GPHN: variants seen among roughly 807,000 people sequenced by gnomAD.
GPHN encodes gephyrin.
Under a neutral mutation model 95.5 loss-of-function variants are expected in GPHN, and 17 were observed. The observed-to-expected ratio is 0.18, with a 90% CI of 0.12 to 0.27. The LOEUF (loss-of-function observed/expected upper bound fraction) is 0.27. GPHN is among the 10% of genes least tolerant of loss of function. The pLI is 1.00. For synonymous variants in GPHN, 320 were observed against 322.5 expected (o/e 0.99, Z 0.08); for missense variants, 660 against 978.1 (o/e 0.67, Z 4.34).
the GPHN span, among the ~76,000 whole-genome samples, chr14:67,365,183 C>G: frequency 6.6e-6 from 1 of 152,100 alleles, no homozygotes; most frequent in Non-Finnish European, 1.5e-5. Flanking sequence ...AGCAAGATCT[C>G]TTAATAGTAG....
At chr14:66,590,413 C>T (rs1235871729) in intron 1 of GPHN, among the ~76,000 whole-genome samples, 1 of 151,774 alleles carries the variant, frequency 6.6e-6, no homozygotes, top group Admixed American at 6.6e-5. Context: ...GAAAGCCAGA[C>T]TAATAAAGAA....
chr14:66,593,584 C>G (rs1405684436), intron 1 of GPHN, among the ~76,000 whole-genome samples: 1 of 152,166 alleles, frequency 6.6e-6, no homozygotes, highest in African/African-American at 2.4e-5. Context: ...CACCAGGTCT[C>G]TTTCTCAACA....
At chr14:66,976,832 C>T (rs1185919672) in intron 9 of GPHN, among the ~76,000 whole-genome samples, 2 of 146,040 alleles carry the variant, frequency 1.4e-5, no homozygotes, top group Non-Finnish European at 3.0e-5. Flanking sequence ...CTCTTCTAAT[C>T]CAGTAGGAAA....
chr14:66,593,527 C>G (rs1207433819), intron 1 of GPHN, among the ~76,000 whole-genome samples: 1 of 152,126 alleles, frequency 6.6e-6, no homozygotes, highest in Admixed American at 6.5e-5. Flanking sequence ...AACTCACTAT[C>G]ATGAGAACAG....
chr14:66,598,852 A>T (rs1317917688), intron 1 of GPHN, among the ~76,000 whole-genome samples: 1 of 151,882 alleles, frequency 6.6e-6, no homozygotes, highest in Non-Finnish European at 1.5e-5. Context: ...AAAAAAAAAA[A>T]AAAGGAAAGA....
At chr14:67,721,275 A>G in the GPHN span, among the ~76,000 whole-genome samples, 6 of 152,116 alleles carry the variant, frequency 3.9e-5, no homozygotes, top group African/African-American at 1.4e-4. Flanking sequence ...AGGGCAATGA[A>G]TCCCACTTAC....
rs199706917 is a variant in GPHN, at chr14:66,511,248, C to T, written c.64+2657C>T. On this transcript the variant is annotated intron_variant, in intron 1 of 22. Transcript: ENST00000478722. ...GCTGTGCTGTACAATTTTGTGTATTCTAGAACTTGAGGTTTTGCAGTTTTA... is the reference window on the plus strand; with the variant it reads ...GCTGTGCTGTACAATTTTGTGTATTTTAGAACTTGAGGTTTTGCAGTTTTA... Among the ~76,000 whole-genome samples, 16 of 152,192 alleles carry T rather than the reference C, an allele frequency of 1.1e-4. No individual in the cohort carries two copies. The East Asian group carries it at 2.9e-3, about 28-fold the overall frequency.
the GPHN span, among the ~76,000 whole-genome samples, chr14:67,231,331 T>A: frequency 6.6e-6 from 1 of 151,488 alleles, no homozygotes; most frequent in Admixed American, 6.6e-5. Context: ...AATGTTCTTA[T>A]TTTTTTTTGA....
intron 1 of GPHN, among the ~76,000 whole-genome samples, chr14:66,527,983 T>C (rs112586769): frequency 0.15 from 22,671 of 152,114 alleles, 3,203 homozygotes; most frequent in East Asian, 0.43. Flanking sequence ...CTATTAGGTC[T>C]GCTTGGTCCA....
At chr14:67,392,709 C>T in the GPHN span, 5 of 1,614,104 alleles carry the variant, frequency 3.1e-6, 1 homozygote, top group South Asian at 4.4e-5. Context: ...TCGGCCAGAT[C>T]CCCAGAGCGA....
chr14:67,677,423 G>T, the GPHN span: 1 of 108,400 alleles, frequency 9.2e-6, no homozygotes, highest in Admixed American at 1.4e-4. Flanking sequence ...GACCTCATCA[G>T]TCCTGGGTGC....
chr14:66,564,712 G>A (rs984157402), intron 1 of GPHN, among the ~76,000 whole-genome samples: 3 of 152,120 alleles, frequency 2.0e-5, no homozygotes, highest in Admixed American at 2.0e-4. Flanking sequence ...AGTGGTTCCA[G>A]GTCACTGTGA....
chr14:67,590,249 AT>A, the GPHN span: 202,548 of 729,444 alleles, frequency 0.28, 2,988 homozygotes, highest in Admixed American at 0.32. Context: ...CCACTTGCAA[AT>A]TTTTTTTTTT....
chr14:66,837,253 A>G (rs1185840739), intron 4 of GPHN, among the ~76,000 whole-genome samples: 1 of 151,820 alleles, frequency 6.6e-6, no homozygotes, highest in Non-Finnish European at 1.5e-5. Context: ...ACCATGGAAT[A>G]CTATGCAGCC....
chr14:67,089,104 T>C (rs2077028705), intron 12 of GPHN, 29 bp downstream of exon 12: 6 of 847,892 alleles, frequency 7.1e-6, no homozygotes, highest in South Asian at 5.6e-5. Context: ...TTAAACATAA[T>C]CAGGCACTGT....
chr14:66,741,295 T>C (rs754748092), intron 2 of GPHN, among the ~76,000 whole-genome samples: 8 of 152,226 alleles, frequency 5.3e-5, no homozygotes, highest in Non-Finnish European at 8.8e-5. Flanking sequence ...AATTTTGTTT[T>C]AATTTATTCA....
At chr14:66,804,737 T>G (rs1483554991) in intron 3 of GPHN, among the ~76,000 whole-genome samples, 7 of 152,256 alleles carry the variant, frequency 4.6e-5, no homozygotes, top group Admixed American at 1.3e-4. Flanking sequence ...TTTATTTCAC[T>G]TAATCATTAT....
chr14:67,350,809 G>A, the GPHN span: 1 of 949,044 alleles, frequency 1.1e-6, no homozygotes, highest in Non-Finnish European at 1.5e-6. Context: ...TGTAAATATT[G>A]GTTTGATAAC....
chr14:67,035,010 A>G (rs944151209), intron 10 of GPHN, among the ~76,000 whole-genome samples: 2 of 152,096 alleles, frequency 1.3e-5, no homozygotes, highest in Non-Finnish European at 2.9e-5. Flanking sequence ...TAGACCACAT[A>G]TTAGGCTAAA....
Sources: allele counts gnomAD v4.1 joint callset (sites outside exome capture counted in the v4.1 genomes callset), GRCh38; gene constraint gnomAD v4.1.1; transcripts MANE v1.5; gene names NCBI Gene and HGNC (gene_info 2026-07-23, HGNC 2026-07-21).